Variants in STXBP4 observed in about 807,000 individuals in gnomAD.
STXBP4 encodes syntaxin-binding protein 4.
Under a neutral mutation model 76.1 loss-of-function variants are expected in STXBP4, and 55 were observed. The ratio of observed to expected loss-of-function variants is 0.72; its 90% CI spans 0.58 to 0.91. The LOEUF is 0.91. Among genes scored for constraint, STXBP4 ranks in the 40% least tolerant of loss-of-function variants. The probability of loss-of-function intolerance (pLI) is 0.00; values close to 1 mark genes in which losing one functional copy is unlikely to be tolerated. For synonymous variants in STXBP4, 201 were observed against 220.2 expected (o/e 0.91, Z 0.77); for missense variants, 618 against 636.9 (o/e 0.97, Z 0.32).
chr17:55,158,267 A>G (rs1422280051), intron 17 of STXBP4, among the ~76,000 whole-genome samples: 1 of 152,192 alleles, frequency 6.6e-6, no homozygotes, highest in Non-Finnish European at 1.5e-5. Context: ...ACTCTCGGGA[A>G]CATACTTTGG....
At chr17:55,203,161 T>C in the STXBP4 span, among the ~76,000 whole-genome samples, 1 of 152,154 alleles carries the variant, frequency 6.6e-6, no homozygotes, top group African/African-American at 2.4e-5. Context: ...GTTTTGCTTT[T>C]CCCTCCAAAA....
intron 8 of STXBP4, among the ~76,000 whole-genome samples, chr17:55,030,180 AGGGCTGCCGT>A (rs2078481140): frequency 6.6e-6 from 1 of 152,186 alleles, no homozygotes; most frequent in Non-Finnish European, 1.5e-5. Context: ...AAGGTAATCC[AGGGCTGCCGT>A]GGAGGTTTCA....
intron 11 of STXBP4, 155 bp downstream of exon 11, chr17:55,043,480 C>A: frequency 1.2e-6 from 1 of 809,196 alleles, no homozygotes; most frequent in Non-Finnish European, 1.9e-6. Flanking sequence ...ATTCAGTTGG[C>A]CTTTAGAGAA....
In STXBP4 at chr17:54,987,931, G is replaced by A. The variant is rs971380288; in HGVS notation, c.47+1665G>A. On this transcript the variant is annotated intron_variant, in intron 3 of 17. Transcript: ENST00000376352. ...AGTAGTATCTCTGCAGTTTTAACTT[G>A]TAATTCTCTTATTATGAGTAAAGTT... Among the ~76,000 whole-genome samples, 13 of 152,088 alleles carry A rather than the reference G, an allele frequency of 8.5e-5. No homozygotes were observed. The East Asian group carries it at 2.1e-3, about 25-fold the overall frequency.
At chr17:55,011,004 C>G (rs2078100192) in intron 8 of STXBP4, among the ~76,000 whole-genome samples, 1 of 151,972 alleles carries the variant, frequency 6.6e-6, no homozygotes, top group African/African-American at 2.4e-5. Flanking sequence ...CATATGAGAC[C>G]TACTTTTTGA....
At position 55,127,886 on chromosome 17, in the gene STXBP4, G is replaced by T. The variant is rs138830742; in HGVS notation, c.1490-13424G>T. 3.3e-5 allele frequency among the ~76,000 whole-genome samples: 5 copies of T among 152,148 alleles called. No homozygotes were observed. The East Asian group carries it at 7.7e-4, about 24-fold the overall frequency. ...TAACAACAAATGCTACATGATTAGG[G>T]ATCAGTGGTGTTTAGAGTTTCATTA... is the stretch of plus-strand genomic sequence containing the variant. On this transcript the variant is annotated intron_variant, in intron 16 of 17. Transcript: ENST00000376352.
intron 8 of STXBP4, among the ~76,000 whole-genome samples, chr17:55,023,298 A>G (rs1567723712): frequency 6.6e-6 from 1 of 152,216 alleles, no homozygotes; most frequent in Non-Finnish European, 1.5e-5. Context: ...CTTATCCAAA[A>G]TGGTGGGAAC....
rs112022600 is a variant in STXBP4 at position 55,006,652 on chromosome 17, A to G, written c.575-854A>G. ...ATTGAGAAGATGTAGAAAAATGGGT[A>G]AGAAGTGTATGACTTTTAGCTCTTG... On this transcript the variant is annotated intron_variant, in intron 7 of 17. Coordinates refer to ENST00000376352, the MANE Select transcript of STXBP4 (RefSeq NM_178509.6). Among the ~76,000 whole-genome samples the G allele has an allele frequency of 7.3e-3, 1,108 of 152,328 alleles. 6 individuals are homozygous for G. Among genetic ancestry groups the G allele is most frequent in the Non-Finnish European group, 0.011 (718 of 68,010 alleles).
At chr17:54,977,056 T>C (rs1598144254) in intron 1 of STXBP4, among the ~76,000 whole-genome samples, 1 of 152,154 alleles carries the variant, frequency 6.6e-6, no homozygotes, top group African/African-American at 2.4e-5. Context: ...CGGCACCCAG[T>C]TAAAGCCTTC....
rs111941137 is a variant in STXBP4 at position 55,088,439 on chromosome 17, G to A, written c.1489+7256G>A. ...TATCTAGAAGACAATTCTGTTGCCC[G>A]GGCTGGAGTACAATGATGTGATCCT... On this transcript the variant is annotated intron_variant, in intron 16 of 17. Coordinates refer to ENST00000376352, the MANE Select transcript of STXBP4 (RefSeq NM_178509.6). Among the ~76,000 whole-genome samples the A allele has an allele frequency of 5.9e-5, 9 of 152,128 alleles. No individual in the cohort carries two copies. In the East Asian group the frequency reaches 7.7e-4, roughly 13 times the overall value.
chr17:55,140,368 A>T (rs1394980965), intron 16 of STXBP4, among the ~76,000 whole-genome samples: 1 of 152,114 alleles, frequency 6.6e-6, no homozygotes, highest in African/African-American at 2.4e-5. Context: ...CCTTGCTGAG[A>T]CTTGGGGAAA....
intron 12 of STXBP4, among the ~76,000 whole-genome samples, chr17:55,049,381 A>C (rs1245854049): frequency 1.3e-5 from 2 of 152,010 alleles, no homozygotes; most frequent in Admixed American, 1.3e-4. Flanking sequence ...AAAAAATAGC[A>C]TGAACATTAC....
chr17:54,999,031 A>G (rs1486818489), intron 4 of STXBP4, among the ~76,000 whole-genome samples: 2 of 152,100 alleles, frequency 1.3e-5, no homozygotes, highest in East Asian at 3.9e-4. Context: ...GAGCTTTATC[A>G]GCCCCATAGT....
At position 55,075,396 on chromosome 17, in the gene STXBP4, A is replaced by G. The variant is rs1470452110; in HGVS notation, c.1188+2320A>G. Among the ~76,000 whole-genome samples the G allele has an allele frequency of 2.0e-5, 3 of 151,992 alleles. 1 individual carries two copies. The East Asian group carries it at 5.8e-4, about 29-fold the overall frequency. On this transcript the variant is annotated intron_variant, in intron 13 of 17. Coordinates refer to ENST00000376352, the MANE Select transcript of STXBP4 (RefSeq NM_178509.6). ...GTCTTCTTATTGTTTCTTGTACTCT[A>G]TTGTGTGGATATACTACGTGTAATT... is the stretch of plus-strand genomic sequence containing the variant.
At chr17:55,050,557 A>C (rs2078846759) in intron 12 of STXBP4, among the ~76,000 whole-genome samples, 1 of 152,156 alleles carries the variant, frequency 6.6e-6, no homozygotes, top group African/African-American at 2.4e-5. Flanking sequence ...GCAACTACCA[A>C]AGGAACTGGA....
At position 55,162,007 on chromosome 17, in the gene STXBP4, A is replaced by T. The variant is rs1161169678; in HGVS notation, c.*2096A>T. The T allele has an allele frequency of 1.3e-5, 2 of 152,202 alleles. No homozygotes were observed. The highest frequency in any genetic ancestry group is 2.9e-5 in the Non-Finnish European group (2 of 68,034). The allele number at this position is 152,202 out of a possible 1,614,324, so 9.4% of individuals were successfully genotyped here. A position where few individuals can be genotyped will look rare whatever the true frequency, so the allele number is the denominator to read the frequency against. On this transcript the variant is annotated 3_prime_UTR_variant, in exon 18 of 18. Transcript: ENST00000376352. Reference sequence around the variant, plus strand: ...AAAAGGCAGATTCTAGTTCAGTGTCATAAGGAACTTTCTAGTAATTAGAGC... The same window carrying T: ...AAAAGGCAGATTCTAGTTCAGTGTCTTAAGGAACTTTCTAGTAATTAGAGC...
intron 1 of STXBP4, among the ~76,000 whole-genome samples, chr17:54,976,243 A>G (rs9907195): frequency 0.062 from 9,463 of 152,226 alleles, 918 homozygotes; most frequent in African/African-American, 0.21. Flanking sequence ...GAAGACTAAG[A>G]CTTTCTTTGA....
At chr17:54,985,394 C>G (rs17818028) in intron 1 of STXBP4, among the ~76,000 whole-genome samples, 30,823 of 152,192 alleles carry the variant, frequency 0.2, 3,665 homozygotes, top group Non-Finnish European at 0.27. Context: ...CACACAGTCT[C>G]TGAATCTAGC....
At chr17:55,144,499 T>C (rs2080129983) in intron 17 of STXBP4, among the ~76,000 whole-genome samples, 2 of 152,240 alleles carry the variant, frequency 1.3e-5, no homozygotes, top group Non-Finnish European at 2.9e-5. Flanking sequence ...GATATTACGC[T>C]GTATAAGACA....
Sources: gnomAD v4.1 joint callset for allele counts (sites outside exome capture counted in the v4.1 genomes callset) on GRCh38, gnomAD v4.1.1 for gene constraint, MANE v1.5 for transcripts, NCBI Gene and HGNC (gene_info 2026-07-23, HGNC 2026-07-21) for gene names.